DPH6: variants seen among roughly 807,000 people sequenced by gnomAD.
The protein encoded by DPH6 is diphthine--ammonia ligase.
DPH6 carries 33 observed loss-of-function variants against 38.2 expected under a neutral mutation model. The ratio of observed to expected loss-of-function variants is 0.86; its 90% CI spans 0.65 to 1.15. The LOEUF is 1.15. DPH6 is among the 50% of genes most tolerant of loss of function. DPH6 has a pLI of 0.00. For missense variants in DPH6, 325 were observed against 320.0 expected (o/e 1.02, Z -0.12); for synonymous variants, 108 against 103.0 (o/e 1.05, Z -0.30).
intron 3 of DPH6, among the ~76,000 whole-genome samples, chr15:35,279,068 A>AAAAATAAATATAT (rs1555390826): frequency 3.9e-5 from 4 of 102,992 alleles, no homozygotes; most frequent in Non-Finnish European, 5.3e-5. Context: ...AAAAAAAAAA[A>AAAAATAAATATAT]ATATATATAT....
At chr15:35,457,428 G>C (rs1010535205) in intron 3 of DPH6, among the ~76,000 whole-genome samples, 2 of 151,868 alleles carry the variant, frequency 1.3e-5, no homozygotes, top group African/African-American at 4.8e-5. Context: ...TGAGGAGCTG[G>C]GATTACAGGC....
At chr15:35,165,524 T>C in the DPH6 span, among the ~76,000 whole-genome samples, 4 of 151,906 alleles carry the variant, frequency 2.6e-5, no homozygotes. Context: ...GAAACTCAAA[T>C]TGTTCTACAT....
At chr15:35,542,953 T>TAATATATATTATTCCACTTAAGGA (rs1165583929) in intron 1 of DPH6, among the ~76,000 whole-genome samples, 66 of 109,548 alleles carry the variant, frequency 6.0e-4, no homozygotes, top group Non-Finnish European at 8.0e-4. Flanking sequence ...GGAATATATA[T>TAATATATATTATTCCACTTAAGGA]ATATATATAT....
chr15:35,392,921 A>G (rs917359865), intron 6 of DPH6, among the ~76,000 whole-genome samples: 49 of 152,184 alleles, frequency 3.2e-4, no homozygotes, highest in Admixed American at 3.1e-3. Context: ...GGTACTAGAA[A>G]TTCAAATGAG....
At chr15:35,480,197 T>G (rs1369919247) in intron 3 of DPH6, among the ~76,000 whole-genome samples, 1 of 152,090 alleles carries the variant, frequency 6.6e-6, no homozygotes, top group Non-Finnish European at 1.5e-5. Context: ...GGGATGGGTT[T>G]GAGACACAAG....
chr15:35,493,524 A>G (rs1208434957), intron 3 of DPH6, among the ~76,000 whole-genome samples: 8 of 152,174 alleles, frequency 5.3e-5, no homozygotes. Flanking sequence ...AAAGATGAGG[A>G]AGTAGAATGG....
At chr15:35,181,498 CT>C in the DPH6 span, among the ~76,000 whole-genome samples, 1 of 149,048 alleles carries the variant, frequency 6.7e-6, no homozygotes, top group Non-Finnish European at 1.5e-5. Context: ...AAAAAATTAT[CT>C]TTTAATAGTT....
intron 6 of DPH6, among the ~76,000 whole-genome samples, chr15:35,388,532 C>T (rs1391807738): frequency 1.3e-5 from 2 of 152,152 alleles, no homozygotes; most frequent in African/African-American, 2.4e-5. Flanking sequence ...TGTTATTGGT[C>T]TATTCAGAGA....
chr15:35,205,252 A>G, the DPH6 span, among the ~76,000 whole-genome samples: 1 of 151,972 alleles, frequency 6.6e-6, no homozygotes, highest in Non-Finnish European at 1.5e-5. Context: ...GTTCTATCAG[A>G]ATATTCTCTA....
At chr15:35,199,426 G>C in the DPH6 span, among the ~76,000 whole-genome samples, 1 of 152,046 alleles carries the variant, frequency 6.6e-6, no homozygotes, top group Non-Finnish European at 1.5e-5. Context: ...ATAATACTAG[G>C]AAATTAAGAA....
In DPH6 at chr15:35,546,159, T is replaced by C; in HGVS notation, c.-18A>G. ...ACCCTCATGCTGGGCGCAGTGCGCG[T>C]GCGTGCGGCGAGCGCGGGCGGGAGC... On this transcript the variant is annotated 5_prime_UTR_variant, in exon 1 of 9. Coordinates refer to ENST00000256538, the MANE Select transcript of DPH6 (RefSeq NM_080650.4). 7.3e-7 allele frequency: 1 copy of C among 1,364,106 alleles called. No homozygotes were observed. The highest frequency in any genetic ancestry group is 9.6e-7 in the Non-Finnish European group (1 of 1,045,614). The allele number at this position is 1,364,106 out of a possible 1,614,324, so 84.5% of individuals were successfully genotyped here. A position where few individuals can be genotyped will look rare whatever the true frequency, so the allele number is the denominator to read the frequency against.
intron 3 of DPH6, among the ~76,000 whole-genome samples, chr15:35,484,946 C>T (rs548346313): frequency 3.8e-4 from 58 of 152,106 alleles, no homozygotes; most frequent in African/African-American, 1.3e-3. Flanking sequence ...TTACATTTAA[C>T]AAAATTTAGC....
At chr15:35,439,602 G>C (rs769221572) in intron 5 of DPH6, among the ~76,000 whole-genome samples, 8 of 152,164 alleles carry the variant, frequency 5.3e-5, no homozygotes, top group Non-Finnish European at 7.4e-5. Context: ...TGGGAAAACT[G>C]TCTATAGTAG....
intron 6 of DPH6, among the ~76,000 whole-genome samples, chr15:35,407,080 A>G (rs1042732217): frequency 3.3e-5 from 5 of 152,136 alleles, no homozygotes; most frequent in African/African-American, 1.2e-4. Context: ...AAGAAGCAAC[A>G]CACTCTTTCA....
chr15:35,381,934 C>CA lies in DPH6; in HGVS notation c.568-19dup, dbSNP rs763908910. The CA allele has an allele frequency of 1.3e-6, 2 of 1,577,720 alleles. No homozygotes were observed. Among genetic ancestry groups the CA allele is most frequent in the South Asian group, 2.3e-5 (2 of 88,272 alleles). ...TTAGAAAGCTGAAAATAGGAAAACA[C>CA]AAAAAACAAGAAAGAAGTTTAAAAT... On this transcript the variant is annotated intron_variant, in intron 6 of 8. Transcript: ENST00000256538.
At chr15:35,196,310 C>T in the DPH6 span, among the ~76,000 whole-genome samples, 3 of 152,096 alleles carry the variant, frequency 2.0e-5, no homozygotes, top group African/African-American at 7.2e-5. Context: ...AAAACTTTGG[C>T]AACTTGTCAT....
At chr15:35,174,925 C>G in the DPH6 span, among the ~76,000 whole-genome samples, 2 of 152,164 alleles carry the variant, frequency 1.3e-5, no homozygotes, top group Non-Finnish European at 2.9e-5. Flanking sequence ...ATGTGTATCT[C>G]TTACCTGCCT....
chr15:35,209,641 T>C, the DPH6 span, among the ~76,000 whole-genome samples: 3 of 152,218 alleles, frequency 2.0e-5, no homozygotes, highest in African/African-American at 7.2e-5. Flanking sequence ...ATAGTATATT[T>C]CAACAGTTTC....
chr15:35,151,911 T>G, the DPH6 span, among the ~76,000 whole-genome samples: 1 of 152,220 alleles, frequency 6.6e-6, no homozygotes, highest in African/African-American at 2.4e-5. Flanking sequence ...TGCTCGGAAG[T>G]GCTCCTTACA....
Sources: allele counts gnomAD v4.1 joint callset (sites outside exome capture counted in the v4.1 genomes callset), GRCh38; gene constraint gnomAD v4.1.1; transcripts MANE v1.5; gene names NCBI Gene and HGNC (gene_info 2026-07-23, HGNC 2026-07-21).